Variants in CEP63 observed in about 807,000 individuals in gnomAD.
CEP63 encodes the protein centrosomal protein of 63 kDa.
Under a neutral mutation model 89.1 loss-of-function variants are expected in CEP63, and 84 were observed. The ratio of observed to expected loss-of-function variants is 0.94; its 90% confidence interval spans 0.79 to 1.13. The LOEUF is 1.13. Among genes scored for constraint, CEP63 ranks in the 50% most tolerant of loss-of-function variants. The pLI is 0.00. For missense variants in CEP63, 838 were observed against 813.3 expected (o/e 1.03, Z -0.37); for synonymous variants, 267 against 272.5 (o/e 0.98, Z 0.20).
chr3:134,687,418 T>C, the CEP63 span, among the ~76,000 whole-genome samples: 2 of 152,202 alleles, frequency 1.3e-5, no homozygotes, highest in Non-Finnish European at 2.9e-5. Context: ...AACGTGCAGC[T>C]TATTGCCTAG....
intron 10 of CEP63, among the ~76,000 whole-genome samples, chr3:134,549,533 A>G (rs1403509683): frequency 1.3e-5 from 2 of 152,162 alleles, no homozygotes; most frequent in Non-Finnish European, 2.9e-5. Flanking sequence ...GATAGTATTT[A>G]TGTATTGTCT....
chr3:134,605,323 C>T, the CEP63 span, among the ~76,000 whole-genome samples: 1 of 152,184 alleles, frequency 6.6e-6, no homozygotes, highest in Non-Finnish European at 1.5e-5. Context: ...TGGTCATCTG[C>T]TCCCAGCCCC....
At chr3:134,577,117 C>T (rs6782563), downstream of CEP63, among the ~76,000 whole-genome samples, 53,782 of 151,876 alleles carry the variant, frequency 0.35, 10,045 homozygotes, top group African/African-American at 0.46. Flanking sequence ...AGAGCCATCT[C>T]CCCTTGTCTG....
chr3:134,548,796 A>T (rs1954167527), intron 9 of CEP63, among the ~76,000 whole-genome samples: 1 of 152,156 alleles, frequency 6.6e-6, no homozygotes, highest in South Asian at 2.1e-4. Context: ...GGAGTACTTG[A>T]GATAGTCTTT....
the CEP63 span, chr3:134,620,671 A>C: frequency 2.0e-6 from 2 of 1,004,366 alleles, no homozygotes; most frequent in Non-Finnish European, 3.1e-6. Flanking sequence ...GCACACGTGA[A>C]TAAGCTGATA....
chr3:134,700,882 T>G, the CEP63 span, among the ~76,000 whole-genome samples: 1 of 152,150 alleles, frequency 6.6e-6, no homozygotes, highest in South Asian at 2.1e-4. Flanking sequence ...TCCCCTCCCA[T>G]CAGAGGTGTG....
At chr3:134,743,532 G>A in the CEP63 span, among the ~76,000 whole-genome samples, 1 of 152,096 alleles carries the variant, frequency 6.6e-6, no homozygotes, top group African/African-American at 2.4e-5. Context: ...TTTGACTGAG[G>A]ATTCACTCCA....
At chr3:134,759,796 A>G in the CEP63 span, among the ~76,000 whole-genome samples, 1 of 152,196 alleles carries the variant, frequency 6.6e-6, no homozygotes, top group East Asian at 1.9e-4. Flanking sequence ...AAGAGTAACA[A>G]ATATTTTTTA....
the CEP63 span, chr3:134,604,607 A>G: frequency 2.7e-6 from 2 of 736,072 alleles, no homozygotes; most frequent in East Asian, 5.3e-5. Flanking sequence ...CGGTGTTAAT[A>G]CTTTCACCAC....
chr3:134,769,881 G>A, the CEP63 span, among the ~76,000 whole-genome samples: 7 of 152,294 alleles, frequency 4.6e-5, no homozygotes, highest in East Asian at 7.7e-4. Context: ...GCTATTTATC[G>A]TCCCTCTCAT....
intron 5 of CEP63, chr3:134,536,798 T>C (rs1389904024): frequency 6.1e-6 from 2 of 325,678 alleles, no homozygotes; most frequent in African/African-American, 4.3e-5. Context: ...AATCATACTT[T>C]AAAATTTTAG....
chr3:134,649,195 A>C, the CEP63 span, among the ~76,000 whole-genome samples: 1 of 152,242 alleles, frequency 6.6e-6, no homozygotes, highest in South Asian at 2.1e-4. Flanking sequence ...TTGGAGAAAA[A>C]GTTCAGCAGA....
chr3:134,644,911 A>G, the CEP63 span, among the ~76,000 whole-genome samples: 1 of 152,216 alleles, frequency 6.6e-6, no homozygotes, highest in Non-Finnish European at 1.5e-5. Flanking sequence ...ATTCCAATAC[A>G]GGGTGATGTG....
chr3:134,590,852 T>C (rs1958583567), downstream of CEP63, among the ~76,000 whole-genome samples: 1 of 152,212 alleles, frequency 6.6e-6, no homozygotes, highest in East Asian at 1.9e-4. Context: ...TCTCATTTTA[T>C]TTTTTCCTAT....
the CEP63 span, among the ~76,000 whole-genome samples, chr3:134,634,219 C>G: frequency 6.6e-6 from 1 of 151,948 alleles, no homozygotes; most frequent in East Asian, 1.9e-4. Flanking sequence ...GCAAGTTCAA[C>G]CAAACATTTT....
At chr3:134,692,720 A>G in the CEP63 span, among the ~76,000 whole-genome samples, 1 of 151,714 alleles carries the variant, frequency 6.6e-6, no homozygotes, top group East Asian at 1.9e-4. Flanking sequence ...GTCTCAAAAG[A>G]CCCCCTTCAC....
At chr3:134,613,906 C>T in the CEP63 span, among the ~76,000 whole-genome samples, 2 of 152,196 alleles carry the variant, frequency 1.3e-5, no homozygotes, top group Admixed American at 1.3e-4. Flanking sequence ...TTCATGTCAT[C>T]AAAAGATCAC....
chr3:134,628,982 C>T, the CEP63 span, among the ~76,000 whole-genome samples: 9 of 152,208 alleles, frequency 5.9e-5, no homozygotes, highest in Admixed American at 5.2e-4. Context: ...GTTCTGCAGC[C>T]TCTGTTACTT....
the CEP63 span, among the ~76,000 whole-genome samples, chr3:134,604,680 G>T: frequency 3.3e-5 from 5 of 152,054 alleles, no homozygotes; most frequent in African/African-American, 1.2e-4. Flanking sequence ...GCAGCACACC[G>T]CTGGAAGGGT....
Sources: gnomAD v4.1 joint callset for allele counts (sites outside exome capture counted in the v4.1 genomes callset) on GRCh38, gnomAD v4.1.1 for gene constraint, MANE v1.5 for transcripts, NCBI Gene and HGNC (gene_info 2026-07-23, HGNC 2026-07-21) for gene names.